Variants in COL14A1 observed in about 807,000 individuals in gnomAD.
COL14A1 encodes collagen alpha-1(XIV) chain.
Under a neutral mutation model 230.3 loss-of-function variants are expected in COL14A1, and 136 were observed. The ratio of observed to expected loss-of-function variants is 0.59; its 90% CI spans 0.51 to 0.68. The LOEUF is 0.68. Among genes scored for constraint, COL14A1 ranks in the 30% least tolerant of loss-of-function variants. The pLI, the probability that COL14A1 is intolerant of heterozygous loss-of-function variation, is 0.00. For missense variants in COL14A1, 1,976 were observed against 2,215.8 expected, an observed-to-expected ratio of 0.89 and a Z score of 2.17; for synonymous variants, 792 against 784.1, an observed-to-expected ratio of 1.01 and a Z score of -0.17.
At chr8:120,297,725 AT>A (rs1430956572) in intron 35 of COL14A1, 137 bp downstream of exon 35, 2 of 442,872 alleles carry the variant, frequency 4.5e-6, no homozygotes, top group Admixed American at 8.9e-5. Flanking sequence ...ATAAAGAGGC[AT>A]GTCTGAAATT....
At chr8:120,200,710 CCT>C in intron 8 of COL14A1, among the ~76,000 whole-genome samples, 1 of 76,936 alleles carries the variant, frequency 1.3e-5, no homozygotes, top group Non-Finnish European at 2.7e-5. Context: ...AAAAAGTTTT[CCT>C]ATTTATATAT....
chr8:120,282,674 T>C (rs946644156), intron 31 of COL14A1, among the ~76,000 whole-genome samples: 2 of 152,168 alleles, frequency 1.3e-5, no homozygotes, highest in African/African-American at 2.4e-5. Context: ...GTTCCTACTA[T>C]ATGTAAAGGG....
intron 2 of COL14A1, among the ~76,000 whole-genome samples, chr8:120,150,876 C>G (rs1310804827): frequency 1.3e-5 from 2 of 151,602 alleles, no homozygotes; most frequent in South Asian, 2.1e-4. Context: ...ATTTTTGAAG[C>G]CTTAGAACTA....
intron 5 of COL14A1, among the ~76,000 whole-genome samples, chr8:120,194,947 G>T (rs1478454573): frequency 6.6e-6 from 1 of 152,122 alleles, no homozygotes; most frequent in South Asian, 2.1e-4. Context: ...GGTACAGTAG[G>T]GTTGACTCCC....
rs1274023588 is a variant in COL14A1, at chr8:120,370,845, A to T, written c.5312-307A>T. 4 of 1,342,068 alleles carry T rather than the reference A, an allele frequency of 3.0e-6. No homozygotes were observed. In the South Asian group the frequency reaches 4.0e-5, roughly 13 times the overall value. 83.1% of individuals were successfully genotyped at this position (1,342,068 alleles called of 1,614,324 possible). A position where few individuals can be genotyped will look rare whatever the true frequency, so the allele number is the denominator to read the frequency against. ...GGACTTCTAACATGAGATTTTTTAA[A>T]AAAATTTCTATTTCTTTTATAATTT... On this transcript the variant is annotated intron_variant, in intron 47 of 47. Coordinates refer to ENST00000297848, the MANE Select transcript of COL14A1 (RefSeq NM_021110.4).
At chr8:120,190,267 G>C (rs1002249227) in intron 5 of COL14A1, among the ~76,000 whole-genome samples, 1 of 152,112 alleles carries the variant, frequency 6.6e-6, no homozygotes, top group African/African-American at 2.4e-5. Context: ...GTGGTTTTTG[G>C]CTGCATAAAT....
rs1563733749 is a variant in COL14A1, at chr8:120,315,595, T to G, written c.4605+9T>G. 1 of 1,612,156 alleles carries G rather than the reference T, an allele frequency of 6.2e-7. No individual in the cohort carries two copies. Among genetic ancestry groups the G allele is most frequent in the South Asian group, 1.1e-5 (1 of 90,862 alleles). ...GCCTTCCAGGTCCACAGGTATTATT[T>G]TTGTTTTTTAAGTCTATTGCTCTCA... On this transcript the variant is annotated intron_variant, in intron 39 of 47. Transcript: ENST00000297848.
intron 38 of COL14A1, 48 bp from the exon 39 acceptor site, chr8:120,315,485 A>G (rs1434099198): frequency 6.7e-7 from 1 of 1,489,888 alleles, no homozygotes; most frequent in African/African-American, 1.4e-5. Flanking sequence ...AGAAAACGCT[A>G]AGAATTTACC....
At chr8:120,244,144 A>C (rs1026455060) in intron 20 of COL14A1, 136 bp downstream of exon 20, 2 of 1,019,658 alleles carry the variant, frequency 2.0e-6, no homozygotes, top group Non-Finnish European at 2.8e-6. Context: ...ATCTGTCTGC[A>C]TCCTGTCTTT....
intron 1 of COL14A1, among the ~76,000 whole-genome samples, chr8:120,140,696 G>T (rs1814877758): frequency 6.6e-6 from 1 of 152,252 alleles, no homozygotes; most frequent in South Asian, 2.1e-4. Context: ...AATATTTAAG[G>T]AATTTTGATA....
rs147376839 is a variant in COL14A1 at position 120,243,987 on chromosome 8, G to A, written c.2458G>A (p.Val820Ile). 157 of 1,612,326 alleles carry A rather than the reference G, an allele frequency of 9.7e-5. No homozygotes were observed. The highest frequency in any genetic ancestry group is 6.7e-5 in the East Asian group (3 of 44,856). The change falls in exon 20 of 48, where the codon GTC becomes ATC. Residue 820 changes from valine to isoleucine, a missense_variant. Physicochemically the swap from Val to Ile is conservative, Grantham distance 29. Transcript: ENST00000297848. ...CTACACGGATGGCGAAGGCGTCAGC[G>A]TCTCCGCTCCTGGAAAAACCTGTAA... is the stretch of plus-strand genomic sequence containing the variant. ...PIYTDGEGVS[V>I]SAPGKTLPSS...
intron 5 of COL14A1, among the ~76,000 whole-genome samples, chr8:120,178,561 G>T (rs1286638582): frequency 6.6e-6 from 1 of 152,144 alleles, no homozygotes; most frequent in African/African-American, 2.4e-5. Flanking sequence ...CTTTATAGTG[G>T]AATGATTTAT....
At chr8:120,366,546 A>G (rs548804721) in intron 45 of COL14A1, among the ~76,000 whole-genome samples, 39 of 152,322 alleles carry the variant, frequency 2.6e-4, no homozygotes, top group African/African-American at 8.4e-4. Flanking sequence ...GTCAGAGTAT[A>G]TGTTTCTTTG....
At chr8:120,265,436 G>T (rs1819474789) in intron 24 of COL14A1, among the ~76,000 whole-genome samples, 2 of 151,968 alleles carry the variant, frequency 1.3e-5, no homozygotes, top group African/African-American at 4.8e-5. Context: ...TTTAAATTTG[G>T]AGAGTTTTTA....
chr8:120,286,834 C>T (rs1300510856), intron 33 of COL14A1, among the ~76,000 whole-genome samples: 1 of 152,188 alleles, frequency 6.6e-6, no homozygotes, highest in African/African-American at 2.4e-5. Context: ...AATAACTCAG[C>T]ACTTGTGGTA....
chr8:120,291,299 C>T (rs565413444), intron 34 of COL14A1, among the ~76,000 whole-genome samples: 4 of 152,006 alleles, frequency 2.6e-5, no homozygotes, highest in Admixed American at 1.3e-4. Flanking sequence ...CAGTGCCTCA[C>T]GCCTGTAATT....
chr8:120,209,609 G>A lies in COL14A1; in HGVS notation c.1322-147G>A, dbSNP rs924200095. The A allele has an allele frequency of 9.7e-6, 7 of 724,662 alleles. No individual in the cohort carries two copies. The African/African-American group carries it at 1.1e-4, about 11-fold the overall frequency. The allele number at this position is 724,662 out of a possible 1,614,324, so 44.9% of individuals were successfully genotyped here. On this transcript the variant is annotated intron_variant, in intron 11 of 47. Transcript: ENST00000297848. ...CAGCAGTGTTTCCTGTTTTTCATCA[G>A]CATTGTTTAACCCAGGAACTTGCAA...
intron 21 of COL14A1, among the ~76,000 whole-genome samples, chr8:120,249,445 A>C (rs974444570): frequency 6.6e-6 from 1 of 152,118 alleles, no homozygotes; most frequent in African/African-American, 2.4e-5. Flanking sequence ...ACCCATCACC[A>C]ATGTTTTTGT....
At chr8:120,332,885 G>C in intron 42 of COL14A1, 150 bp downstream of exon 42, 1 of 602,508 alleles carries the variant, frequency 1.7e-6, no homozygotes, top group East Asian at 2.9e-5. Flanking sequence ...AAAGCTTCTA[G>C]GATAAAGATG....
Sources: allele counts gnomAD v4.1 joint callset (sites outside exome capture counted in the v4.1 genomes callset), GRCh38; gene constraint gnomAD v4.1.1; transcripts MANE v1.5; gene names NCBI Gene and HGNC (gene_info 2026-07-23, HGNC 2026-07-21).